The following ETV6 variants were observed in gnomAD, a reference collection of about 807,000 sequenced individuals.
ETV6 encodes transcription factor ETV6.
Under a neutral mutation model 51.1 loss-of-function variants are expected in ETV6, and 16 were observed. That is an observed-to-expected ratio of 0.31 (90% CI 0.21 to 0.48). The LOEUF is 0.48. Ranked by LOEUF, ETV6 falls within the 20% of genes least tolerant of loss-of-function variation. ETV6 has a pLI of 0.99. For missense variants in ETV6, 458 were observed against 594.8 expected (o/e 0.77, Z 2.39); for synonymous variants, 240 against 224.1 (o/e 1.07, Z -0.64).
At chr12:11,664,784 T>G (rs530371901) in intron 1 of ETV6, among the ~76,000 whole-genome samples, 5 of 152,306 alleles carry the variant, frequency 3.3e-5, no homozygotes, top group African/African-American at 9.6e-5. Context: ...GTCACTGCCT[T>G]CCTTCTGGCC....
chr12:11,792,681 C>T (rs1945618932), intron 2 of ETV6, among the ~76,000 whole-genome samples: 1 of 107,414 alleles, frequency 9.3e-6, no homozygotes, highest in Admixed American at 9.3e-5. Context: ...AACAAGATTC[C>T]ATCTCAAAAA....
intron 2 of ETV6, among the ~76,000 whole-genome samples, chr12:11,767,451 T>A (rs1945179060): frequency 6.6e-6 from 1 of 152,250 alleles, no homozygotes; most frequent in Admixed American, 6.5e-5. Context: ...CTTCTATGTG[T>A]GCAGCATGGC....
chr12:11,859,716 C>A (rs548805256), intron 4 of ETV6, among the ~76,000 whole-genome samples: 1 of 152,206 alleles, frequency 6.6e-6, no homozygotes, highest in South Asian at 2.1e-4. Flanking sequence ...AATGAGGAGA[C>A]CAAAATACAT....
At chr12:11,790,687 T>C (rs973077657) in intron 2 of ETV6, among the ~76,000 whole-genome samples, 12 of 150,576 alleles carry the variant, frequency 8.0e-5, no homozygotes, top group Non-Finnish European at 1.5e-4. Flanking sequence ...AACTTTTTTT[T>C]TTTTTTTTTT....
intron 1 of ETV6, among the ~76,000 whole-genome samples, chr12:11,722,284 G>A (rs139766633): frequency 6.6e-6 from 1 of 152,312 alleles, no homozygotes; most frequent in African/African-American, 2.4e-5. Flanking sequence ...CAGTAGAGGT[G>A]CTAATGAACA....
chr12:11,859,646 C>T (rs2238128), intron 4 of ETV6, among the ~76,000 whole-genome samples: 11,189 of 152,174 alleles, frequency 0.074, 590 homozygotes, highest in African/African-American at 0.15. Flanking sequence ...CAAGTAGCAA[C>T]GCTGAGATTT....
At chr12:11,723,803 A>C (rs573954141) in intron 1 of ETV6, among the ~76,000 whole-genome samples, 98 of 152,268 alleles carry the variant, frequency 6.4e-4, no homozygotes, top group African/African-American at 2.3e-3. Flanking sequence ...CCAACCATTG[A>C]GAAAGCTTTT....
intron 1 of ETV6, among the ~76,000 whole-genome samples, chr12:11,685,412 C>T (rs1014088950): frequency 3.9e-5 from 6 of 151,908 alleles, no homozygotes; most frequent in African/African-American, 7.3e-5. Flanking sequence ...GGGCACAGAC[C>T]CTTCTTGTGT....
intron 2 of ETV6, among the ~76,000 whole-genome samples, chr12:11,794,310 C>T (rs1035237629): frequency 6.6e-6 from 1 of 152,170 alleles, no homozygotes; most frequent in Non-Finnish European, 1.5e-5. Context: ...ATGAAACCGA[C>T]CTCTGCCTGA....
intron 1 of ETV6, among the ~76,000 whole-genome samples, chr12:11,722,073 C>G (rs1005863095): frequency 6.6e-6 from 1 of 152,166 alleles, no homozygotes; most frequent in Admixed American, 6.5e-5. Flanking sequence ...ACTGGGCTGT[C>G]ACTATAAAGT....
intron 1 of ETV6, among the ~76,000 whole-genome samples, chr12:11,668,236 T>C (rs535345793): frequency 3.5e-5 from 5 of 140,960 alleles, no homozygotes; most frequent in African/African-American, 1.3e-4. Context: ...TTCATGAGCC[T>C]TTTCTTAAAG....
intron 5 of ETV6, among the ~76,000 whole-genome samples, chr12:11,876,410 A>C (rs1161903306): frequency 6.6e-6 from 1 of 152,188 alleles, no homozygotes; most frequent in Non-Finnish European, 1.5e-5. Context: ...CTCTTGCTTT[A>C]TGCCATGACA....
rs1947335972 is a variant in ETV6, at chr12:11,893,792, T to TATA, written c.*2746_*2747insATA. The TATA allele has an allele frequency of 2.4e-5, 1 of 42,142 alleles. No individual in the cohort carries two copies. Among genetic ancestry groups the TATA allele is most frequent in the Non-Finnish European group, 4.2e-5 (1 of 23,884 alleles). 2.6% of individuals were successfully genotyped at this position (42,142 alleles called of 1,614,324 possible). Reference sequence around the variant, plus strand: ...TTGTGTCCATCCCCAAGATCTCTCATTTTATATATATATATATATATATAT... The same window carrying TATA: ...TTGTGTCCATCCCCAAGATCTCTCATATATTTATATATATATATATATATATAT... On this transcript the variant is annotated 3_prime_UTR_variant, in exon 8 of 8. Transcript: ENST00000396373.
chr12:11,761,177 A>G (rs964346359), intron 2 of ETV6, among the ~76,000 whole-genome samples: 5 of 152,158 alleles, frequency 3.3e-5, no homozygotes, highest in Non-Finnish European at 5.9e-5. Flanking sequence ...GTTTCATTCT[A>G]TCTATTGGTT....
intron 1 of ETV6, among the ~76,000 whole-genome samples, chr12:11,682,939 G>A (rs1010902229): frequency 1.3e-5 from 2 of 152,152 alleles, no homozygotes; most frequent in African/African-American, 4.8e-5. Context: ...CTATATATCA[G>A]TTTTGGTACC....
intron 4 of ETV6, among the ~76,000 whole-genome samples, 172 bp downstream of exon 4, chr12:11,853,733 C>T (rs560766661): frequency 3.7e-4 from 56 of 152,334 alleles, no homozygotes; most frequent in African/African-American, 1.2e-3. Context: ...AGCTCACGAT[C>T]AAAGCGAAGC....
At chr12:11,815,262 C>T (rs1945974173) in intron 2 of ETV6, among the ~76,000 whole-genome samples, 1 of 152,112 alleles carries the variant, frequency 6.6e-6, no homozygotes, top group Non-Finnish European at 1.5e-5. Context: ...ACAGTGAGTG[C>T]CTTAGCTGAG....
chr12:11,728,116 C>G (rs1000182143), intron 1 of ETV6, among the ~76,000 whole-genome samples: 1 of 152,186 alleles, frequency 6.6e-6, no homozygotes. Flanking sequence ...CACCGCTCCC[C>G]GGCCTCCCCT....
chr12:11,809,662 C>A (rs1026989002), intron 2 of ETV6, among the ~76,000 whole-genome samples: 2 of 152,112 alleles, frequency 1.3e-5, no homozygotes, highest in African/African-American at 4.8e-5. Context: ...CCTGCTGCAT[C>A]CTTTTTTCGG....
Sources: gnomAD v4.1 joint callset for allele counts (sites outside exome capture counted in the v4.1 genomes callset) on GRCh38, gnomAD v4.1.1 for gene constraint, MANE v1.5 for transcripts, NCBI Gene and HGNC (gene_info 2026-07-23, HGNC 2026-07-21) for gene names.